LOC112694756: variants seen among roughly 807,000 people sequenced by gnomAD.
the LOC112694756 span, chr16:30,067,800 C>T: frequency 7.0e-5 from 66 of 942,728 alleles, no homozygotes; most frequent in African/African-American, 7.6e-4. Flanking sequence ...GGCATTTACT[C>T]GACATTTTTA....
chr16:30,067,868 A>G, the LOC112694756 span: 1 of 645,832 alleles, frequency 1.5e-6, no homozygotes, highest in Non-Finnish European at 2.7e-6. Context: ...AAATCTCAGA[A>G]GCTCAGGGAA....
chr16:30,070,125 C>T, the LOC112694756 span: 5 of 1,614,068 alleles, frequency 3.1e-6, no homozygotes, highest in Non-Finnish European at 1.7e-6. Context: ...AGGCCAACAG[C>T]CTTGCCTGTC....
chr16:30,067,659 A>C, the LOC112694756 span: 1 of 1,614,094 alleles, frequency 6.2e-7, no homozygotes, highest in Non-Finnish European at 8.5e-7. Context: ...TGTGGGCATC[A>C]AGGTAAGGGG....
chr16:30,054,622 T>C, the LOC112694756 span: 8 of 396,066 alleles, frequency 2.0e-5, no homozygotes, highest in East Asian at 2.9e-4. Flanking sequence ...AAAGGCAGGC[T>C]CAGGGCACAA....
At chr16:30,069,669 C>CA in the LOC112694756 span, 1 of 1,613,542 alleles carries the variant, frequency 6.2e-7, no homozygotes, top group South Asian at 1.1e-5. Context: ...CCCCCGCTGT[C>CA]ACTGGTGAGG....
chr16:30,064,349 G>A, the LOC112694756 span: 45 of 398,804 alleles, frequency 1.1e-4, no homozygotes, highest in East Asian at 1.4e-3. Flanking sequence ...GGAGGAGGGA[G>A]ATTAGAGAAG....
chr16:30,068,756 T>G, the LOC112694756 span: 1 of 1,614,168 alleles, frequency 6.2e-7, no homozygotes, highest in South Asian at 1.1e-5. Context: ...GTTTGGGTGC[T>G]GGGAGGAGTG....
chr16:30,067,166 C>T, the LOC112694756 span: 2 of 1,604,808 alleles, frequency 1.2e-6, no homozygotes, highest in African/African-American at 1.3e-5. Context: ...AGGAGAGGGG[C>T]CCTGGTCATC....
chr16:30,070,155 C>T, the LOC112694756 span: 10,353 of 1,614,104 alleles, frequency 6.4e-3, 944 homozygotes, highest in Admixed American at 0.16. Context: ...ACACTCCGAG[C>T]GGTCAGGCTG....
chr16:30,066,350 G>T, the LOC112694756 span: 1 of 152,562 alleles, frequency 6.6e-6, no homozygotes, highest in Non-Finnish European at 1.5e-5. Context: ...CCTCCGCGGT[G>T]CTTGATGCCC....
At chr16:30,055,285 G>A in the LOC112694756 span, 31 of 399,204 alleles carry the variant, frequency 7.8e-5, no homozygotes, top group Middle Eastern at 1.3e-3. Flanking sequence ...TGCCTAGCCC[G>A]GCCCACTTCC....
the LOC112694756 span, chr16:30,058,937 G>A: frequency 1.5e-5 from 6 of 398,430 alleles, no homozygotes; most frequent in Middle Eastern, 6.3e-4. Flanking sequence ...CCCCAGCCTC[G>A]CAGGGCTTCC....
At chr16:30,055,469 A>G in the LOC112694756 span, 2 of 397,688 alleles carry the variant, frequency 5.0e-6, no homozygotes, top group African/African-American at 2.1e-5. Context: ...ATGTGCAGCC[A>G]GGTAAAAACA....
the LOC112694756 span, chr16:30,069,727 C>T: frequency 2.5e-6 from 4 of 1,611,888 alleles, no homozygotes; most frequent in African/African-American, 2.7e-5. Context: ...CCACCCACAA[C>T]CCTATGCCCA....
the LOC112694756 span, chr16:30,065,659 G>C: frequency 1.1e-4 from 17 of 152,260 alleles, no homozygotes; most frequent in Admixed American, 9.8e-4. Flanking sequence ...CCGTAGCCCA[G>C]TCCGTCGCCT....
chr16:30,056,168 G>A, the LOC112694756 span, among the ~76,000 whole-genome samples: 4 of 143,164 alleles, frequency 2.8e-5, no homozygotes, highest in African/African-American at 1.1e-4. Flanking sequence ...AGAGTACAGT[G>A]GTGTAATCTC....
chr16:30,068,565 T>G, the LOC112694756 span: 1 of 1,499,962 alleles, frequency 6.7e-7, no homozygotes, highest in Non-Finnish European at 9.3e-7. Context: ...ATTCCACCAC[T>G]GTACTCCAGC....
At chr16:30,057,624 C>T in the LOC112694756 span, among the ~76,000 whole-genome samples, 1 of 152,132 alleles carries the variant, frequency 6.6e-6, no homozygotes, top group Non-Finnish European at 1.5e-5. Flanking sequence ...TGGTGCTAAT[C>T]CCTGGCATGT....
the LOC112694756 span, among the ~76,000 whole-genome samples, chr16:30,054,387 G>T: frequency 6.6e-6 from 1 of 152,044 alleles, no homozygotes; most frequent in Non-Finnish European, 1.5e-5. Flanking sequence ...TTGACGGATT[G>T]TAAGGGAGGG....
Sources: allele counts gnomAD v4.1 joint callset (sites outside exome capture counted in the v4.1 genomes callset), GRCh38; gene constraint gnomAD v4.1.1; transcripts MANE v1.5.